The following SCOC variants were observed in gnomAD, a reference collection of about 807,000 sequenced individuals.
SCOC encodes the protein short coiled-coil protein.
In SCOC, 7 loss-of-function variants were observed where a neutral mutation model predicts 9.9. The ratio of observed to expected loss-of-function variants is 0.71; its 90% CI spans 0.40 to 1.33. SCOC has a LOEUF of 1.33. SCOC is among the 40% of genes most tolerant of loss of function. The pLI is 0.01. For missense variants in SCOC, 66 were observed against 89.7 expected, an observed-to-expected ratio of 0.74 and a Z score of 1.07; for synonymous variants, 19 against 28.2, an observed-to-expected ratio of 0.67 and a Z score of 1.03.
At chr4:140,366,797 T>C in intron 2 of SCOC, 1 of 1,202,464 alleles carries the variant, frequency 8.3e-7, no homozygotes, top group South Asian at 1.2e-5. Context: ...ACCAATTTTC[T>C]GGCACGAGGT....
At chr4:140,354,662 T>C (rs763707415) in intron 2 of SCOC, among the ~76,000 whole-genome samples, 1 of 152,178 alleles carries the variant, frequency 6.6e-6, no homozygotes, top group Non-Finnish European at 1.5e-5. Context: ...TCGTAACTAA[T>C]TGATTATTTT....
upstream of SCOC, chr4:140,373,383 G>T (rs1728146628): frequency 6.9e-7 from 1 of 1,455,406 alleles, no homozygotes; most frequent in Non-Finnish European, 9.1e-7. Flanking sequence ...CACCAGCGCC[G>T]CTTAGCTTCG....
chr4:140,362,299 C>CTTCTTCTTCTTCTTCTTTTTTTT (rs367795160), intron 2 of SCOC, among the ~76,000 whole-genome samples: 1 of 38,346 alleles, frequency 2.6e-5, no homozygotes, highest in Non-Finnish European at 6.8e-5. Flanking sequence ...TCTTCTTCTT[C>CTTCTTCTTCTTCTTCTTTTTTTT]TTTTTTTTTT....
intron 1 of SCOC, among the ~76,000 whole-genome samples, chr4:140,266,725 A>T (rs1366431516): frequency 6.6e-6 from 1 of 152,192 alleles, no homozygotes; most frequent in Non-Finnish European, 1.5e-5. Context: ...GTCTTTCAAA[A>T]TTTAATCTAT....
At chr4:140,366,396 C>T (rs1484218587) in intron 2 of SCOC, 1 of 1,311,820 alleles carries the variant, frequency 7.6e-7, no homozygotes, top group East Asian at 2.3e-5. Context: ...TTTGCTAGAA[C>T]TTTAGCAGCA....
At chr4:140,357,093 T>C (rs6536918) in intron 2 of SCOC, among the ~76,000 whole-genome samples, 145,442 of 152,152 alleles carry the variant, frequency 0.96, 69,568 homozygotes, top group East Asian at 0.98. Context: ...CCTCAGCCTC[T>C]GGAGTAGCTG....
chr4:140,291,595 T>A, intron 1 of SCOC: 2 of 445,330 alleles, frequency 4.5e-6, no homozygotes, highest in Non-Finnish European at 9.1e-6. Context: ...ATAATCAATA[T>A]CCTTTCTCGG....
At chr4:140,296,250 T>C (rs908596670) in intron 1 of SCOC, among the ~76,000 whole-genome samples, 1 of 152,066 alleles carries the variant, frequency 6.6e-6, no homozygotes. Context: ...AAATCCAAAA[T>C]GGATTTAATG....
At position 140,332,359 on chromosome 4, in the gene SCOC, CTTTTTTTTTTTTTTTTTT is replaced by C. The variant is rs70943486; in HGVS notation, c.-18-11249_-18-11232del. ...CTCATGCCAAAAACTCTGGAGTCAT[CTTTTTTTTTTTTTTTTTT>C]TTTTTTTTTTTTGAGACGGAGTATT... On this transcript the variant is annotated intron_variant, in intron 1 of 4. Transcript: ENST00000394205. 7.8e-5 allele frequency among the ~76,000 whole-genome samples: 6 copies of C among 76,828 alleles called. No homozygotes were observed. The South Asian group carries it at 2.8e-3, about 36-fold the overall frequency. The allele number at this position is 76,828 out of a possible 152,430, so 50.4% of individuals were successfully genotyped here.
In SCOC at chr4:140,364,338, C is replaced by G. The variant is rs190277491; in HGVS notation, c.71-14783C>G. On this transcript the variant is annotated intron_variant, in intron 2 of 4. Transcript: ENST00000338517. ...GGAAGAGGTTTGGCTTTAAAAATGT[C>G]AAGATAATTAAAGAAGAAGCTTCTG... is the stretch of plus-strand genomic sequence containing the variant. Among the ~76,000 whole-genome samples, 317 of 152,080 alleles carry G rather than the reference C, an allele frequency of 2.1e-3. 2 individuals are homozygous for G. Among genetic ancestry groups the G allele is most frequent in the Non-Finnish European group, 3.6e-3 (245 of 67,976 alleles).
chr4:140,286,281 T>C (rs1483213192), intron 1 of SCOC, among the ~76,000 whole-genome samples: 2 of 151,036 alleles, frequency 1.3e-5, no homozygotes, highest in African/African-American at 4.9e-5. Context: ...ACTTGATAAA[T>C]GGTAGTTATT....
chr4:140,258,944 G>A (rs560181071), intron 1 of SCOC, among the ~76,000 whole-genome samples: 3 of 152,298 alleles, frequency 2.0e-5, no homozygotes, highest in South Asian at 4.1e-4. Flanking sequence ...TCACTAAAAA[G>A]CAGATGTGCC....
chr4:140,353,413 CTTT>C (rs1158574514), intron 2 of SCOC, among the ~76,000 whole-genome samples: 1 of 145,562 alleles, frequency 6.9e-6, no homozygotes. Context: ...TTTTCTTTTT[CTTT>C]TTTTTTTTTT....
upstream of SCOC, among the ~76,000 whole-genome samples, chr4:140,370,513 G>A (rs1373973528): frequency 6.6e-6 from 1 of 152,158 alleles, no homozygotes; most frequent in Non-Finnish European, 1.5e-5. Flanking sequence ...ATTCTGAGGT[G>A]TGGTCTGTTC....
chr4:140,302,915 A>T (rs1202353667), intron 1 of SCOC, among the ~76,000 whole-genome samples: 1 of 151,342 alleles, frequency 6.6e-6, no homozygotes, highest in Non-Finnish European at 1.5e-5. Flanking sequence ...AGAAAAAAAA[A>T]GTAAATGAAA....
chr4:140,362,275 T>TTCTTC (rs1553941067), intron 2 of SCOC, among the ~76,000 whole-genome samples: 1 of 10,698 alleles, frequency 9.3e-5, no homozygotes, highest in Non-Finnish European at 2.3e-4. Flanking sequence ...AGGTGTGTCC[T>TTCTTC]TACTTCTTCT....
At position 140,313,678 on chromosome 4, in the gene SCOC, A is replaced by C. The variant is rs1043545498; in HGVS notation, c.-18-29943A>C. The stretch of plus-strand genomic sequence containing the variant: ...TAGAGGTCTCGGACCTAAGAGCCTA[A>C]GCTAGTATCCCGGTGGAGGCAGCCA... On this transcript the variant is annotated intron_variant, in intron 1 of 4. Coordinates refer to the SCOC transcript ENST00000394205. Among the ~76,000 whole-genome samples, 6 of 152,344 alleles carry C rather than the reference A, an allele frequency of 3.9e-5. No homozygotes were observed. The East Asian group carries it at 1.2e-3, about 29-fold the overall frequency.
At chr4:140,332,667 G>A (rs1732852583) in intron 1 of SCOC, among the ~76,000 whole-genome samples, 1 of 151,932 alleles carries the variant, frequency 6.6e-6, no homozygotes, top group East Asian at 1.9e-4. Context: ...ATAAGCCACC[G>A]CGCCCGGCCT....
intron 2 of SCOC, among the ~76,000 whole-genome samples, chr4:140,347,164 T>G (rs1361259618): frequency 1.3e-5 from 2 of 151,938 alleles, no homozygotes; most frequent in Admixed American, 1.3e-4. Flanking sequence ...GGTACAGTAA[T>G]TTTTTTTAAT....
Sources: gnomAD v4.1 joint callset for allele counts (sites outside exome capture counted in the v4.1 genomes callset) on GRCh38, gnomAD v4.1.1 for gene constraint, MANE v1.5 for transcripts, NCBI Gene and HGNC (gene_info 2026-07-23, HGNC 2026-07-21) for gene names.